HECW2: variants seen among roughly 807,000 people sequenced by gnomAD.
HECW2 encodes HECT, C2 and WW domain containing E3 ubiquitin protein ligase 2.
Under a neutral mutation model 175.2 loss-of-function variants are expected in HECW2, and 61 were observed. The ratio of observed to expected loss-of-function variants is 0.35; its 90% CI spans 0.28 to 0.43. The LOEUF is 0.43. Among genes scored for constraint, HECW2 ranks in the 20% least tolerant of loss-of-function variants. The pLI, the probability that HECW2 is intolerant of heterozygous loss-of-function variation, is 1.00. For missense variants in HECW2, 1,524 were observed against 2,000.5 expected, an observed-to-expected ratio of 0.76 and a Z score of 4.54; for synonymous variants, 671 against 731.0, an observed-to-expected ratio of 0.92 and a Z score of 1.32.
chr2:196,407,321 A>C (rs1306599153), intron 2 of HECW2, among the ~76,000 whole-genome samples: 1 of 151,290 alleles, frequency 6.6e-6, no homozygotes, highest in Non-Finnish European at 1.5e-5. Context: ...CTAGAAGTGC[A>C]TGTTACTACA....
At chr2:196,386,738 TATC>T (rs1214122875) in intron 2 of HECW2, among the ~76,000 whole-genome samples, 1 of 151,828 alleles carries the variant, frequency 6.6e-6, no homozygotes, top group East Asian at 1.9e-4. Context: ...TAGATACTGT[TATC>T]ATAGTATCAT....
At chr2:196,244,545 A>G (rs1203751148) in intron 19 of HECW2, among the ~76,000 whole-genome samples, 1 of 152,156 alleles carries the variant, frequency 6.6e-6, no homozygotes, top group Non-Finnish European at 1.5e-5. Context: ...ACTCAATGAC[A>G]TGGCTGCCTG....
chr2:196,217,098 C>G lies in HECW2; in HGVS notation c.4409-5G>C, dbSNP rs765713853. On this transcript the variant is annotated splice_region_variant and splice_polypyrimidine_tract_variant and intron_variant, in intron 26 of 28. Coordinates refer to ENST00000644978, the MANE Select transcript of HECW2 (RefSeq NM_001348768.2). ...CAATATGATTGTCATGGTATCCTAT[C>G]AAACCAATCATAAAAGCCCATGTTA... 5.0e-6 allele frequency: 8 copies of G among 1,594,156 alleles called. No homozygotes were observed. Among genetic ancestry groups the G allele is most frequent in the Non-Finnish European group, 6.8e-6 (8 of 1,171,730 alleles).
Position 196,228,180 on chromosome 2 carries a change from A to G in HECW2, c.3839T>C (p.Leu1280Ser). The change falls in exon 22 of 29, where the codon TTA becomes TCA. Residue 1280 changes from leucine (L) to serine (S), a missense_variant. Physicochemically the swap from Leu to Ser is moderately radical, Grantham distance 145 (BLOSUM62 -2). Transcript: ENST00000644978. ...TGTGTCATTGGCTGAATATTCAAAT[A>G]AGCCATAATATGGGTTAAAGAGTTC... Reference protein sequence around the residue: ...SRELFNPYYGLFEYSANDTYT... With the variant: ...SRELFNPYYGSFEYSANDTYT... 1 of 1,613,026 alleles carries G rather than the reference A, an allele frequency of 6.2e-7. No individual in the cohort carries two copies. Among genetic ancestry groups the G allele is most frequent in the Non-Finnish European group, 8.5e-7 (1 of 1,179,106 alleles).
At chr2:196,292,271 C>A (rs1690629646) in intron 14 of HECW2, 1 of 283,666 alleles carries the variant, frequency 3.5e-6, no homozygotes, top group Non-Finnish European at 6.6e-6. Context: ...CCTGAGAACC[C>A]TTTTCTCTAA....
chr2:196,337,242 A>G (rs1369082707), intron 3 of HECW2, among the ~76,000 whole-genome samples: 5 of 152,086 alleles, frequency 3.3e-5, no homozygotes, highest in African/African-American at 1.2e-4. Context: ...AAGGATGGAA[A>G]AGGGAAGTTG....
chr2:196,323,899 G>A (rs1466946311), intron 6 of HECW2, among the ~76,000 whole-genome samples: 6 of 118,140 alleles, frequency 5.1e-5, no homozygotes, highest in African/African-American at 1.4e-4. Flanking sequence ...GCCCTTAAGA[G>A]TTTTTTTTGT....
chr2:196,581,997 C>G (rs1297511314), intron 1 of HECW2, among the ~76,000 whole-genome samples: 1 of 151,886 alleles, frequency 6.6e-6, no homozygotes, highest in Non-Finnish European at 1.5e-5. Flanking sequence ...ACCCAGGAGG[C>G]GGAGCTTGCA....
intron 2 of HECW2, among the ~76,000 whole-genome samples, chr2:196,369,030 T>C (rs1229471472): frequency 6.6e-6 from 1 of 152,184 alleles, no homozygotes; most frequent in Non-Finnish European, 1.5e-5. Flanking sequence ...GTCTTGATGC[T>C]TGTGAATGTT....
chr2:196,434,597 T>G (rs1016957839), intron 1 of HECW2, among the ~76,000 whole-genome samples: 2 of 152,238 alleles, frequency 1.3e-5, no homozygotes, highest in Non-Finnish European at 2.9e-5. Flanking sequence ...GGGTTTACAT[T>G]ACCTCACTCG....
Position 196,253,995 on chromosome 2 carries a change from G to C in HECW2, c.3454C>G (p.Pro1152Ala). ...TAGCTGGGGTGGAGTAAGGCATGTG[G>C]AGGCACATACGACATTATCTCTTCT... Reference protein sequence around the residue: ...FEEEIMSYVPPHALLHPSYCQ... With the variant: ...FEEEIMSYVPAHALLHPSYCQ... Residue 1152 changes from proline (P) to alanine (A), a missense_variant, in exon 19 of 29, where the codon CCA (proline) becomes GCA (alanine). Physicochemically the swap from Pro to Ala is conservative, Grantham distance 27. Coordinates refer to ENST00000644978, the MANE Select transcript of HECW2 (RefSeq NM_001348768.2). The C allele has an allele frequency of 6.2e-7, 1 of 1,614,062 alleles. No individual in the cohort carries two copies. Among genetic ancestry groups the C allele is most frequent in the Non-Finnish European group, 8.5e-7 (1 of 1,179,944 alleles).
At position 196,488,629 on chromosome 2, in the gene HECW2, T is replaced by TACACAC. The variant is rs139434140; in HGVS notation, c.-35-55177_-35-55172dup. 5.5e-3 allele frequency among the ~76,000 whole-genome samples: 803 copies of TACACAC among 147,176 alleles called. 6 individuals are homozygous for TACACAC. The highest frequency in any genetic ancestry group is 0.014 in the Middle Eastern group (4 of 288). ...TACTAATTTTATCATGAAGAATGAA[T>TACACAC]ACACACACACACACACACACACACA... On this transcript the variant is annotated intron_variant, in intron 1 of 28. Transcript: ENST00000644978.
chr2:196,568,527 T>A (rs892472805), intron 1 of HECW2, among the ~76,000 whole-genome samples: 13 of 152,196 alleles, frequency 8.5e-5, no homozygotes, highest in Admixed American at 8.5e-4. Flanking sequence ...CATAACCCCA[T>A]AATAAATCCA....
chr2:196,276,585 T>C (rs976504153), intron 15 of HECW2, among the ~76,000 whole-genome samples: 7 of 152,194 alleles, frequency 4.6e-5, no homozygotes, highest in Non-Finnish European at 7.3e-5. Context: ...GCCCTAATTG[T>C]GCTACACATC....
Position 196,303,506 on chromosome 2 carries a change from A to G in HECW2, c.2814+2982T>C, listed in dbSNP as rs531702548. 2.6e-5 allele frequency among the ~76,000 whole-genome samples: 4 copies of G among 152,196 alleles called. No individual in the cohort carries two copies. In the East Asian group the frequency reaches 5.8e-4, roughly 22 times the overall value. On this transcript the variant is annotated intron_variant, in intron 13 of 28. Coordinates refer to ENST00000644978, the MANE Select transcript of HECW2 (RefSeq NM_001348768.2). Reference sequence around the variant, plus strand: ...GGTACCAGCTCTTTTTTGTATCTCTAGTAGTATTCAGCTGTCAATCCATCT... The same window carrying G: ...GGTACCAGCTCTTTTTTGTATCTCTGGTAGTATTCAGCTGTCAATCCATCT...
chr2:196,217,644 T>G (rs1055865939), intron 26 of HECW2: 1 of 152,222 alleles, frequency 6.6e-6, no homozygotes, highest in Admixed American at 6.5e-5. Flanking sequence ...CACATTGACT[T>G]ACTAATAAAA....
chr2:196,539,478 C>CA (rs922577633), intron 1 of HECW2, among the ~76,000 whole-genome samples: 20 of 151,762 alleles, frequency 1.3e-4, no homozygotes, highest in South Asian at 6.3e-4. Flanking sequence ...TAAAAAAATA[C>CA]AAAAAAATTG....
At chr2:196,358,019 C>T (rs943182788) in intron 2 of HECW2, among the ~76,000 whole-genome samples, 116 of 152,192 alleles carry the variant, frequency 7.6e-4, no homozygotes, top group African/African-American at 2.7e-3. Context: ...TCACACATTA[C>T]AGGTGCAATG....
intron 19 of HECW2, among the ~76,000 whole-genome samples, chr2:196,249,543 T>C (rs904454332): frequency 3.3e-5 from 5 of 152,212 alleles, no homozygotes; most frequent in African/African-American, 1.2e-4. Flanking sequence ...TTTCAAGATA[T>C]TATTCTCACA....
Sources: gnomAD v4.1 joint callset for allele counts (sites outside exome capture counted in the v4.1 genomes callset) on GRCh38, gnomAD v4.1.1 for gene constraint, MANE v1.5 for transcripts, NCBI Gene and HGNC (gene_info 2026-07-23, HGNC 2026-07-21) for gene names.